The following ADGRV1 variants were observed in gnomAD, a reference collection of about 807,000 sequenced individuals.
The protein encoded by ADGRV1 is G-protein coupled receptor 98.
ADGRV1 carries 359 observed loss-of-function variants against 596.2 expected under a neutral mutation model. The observed-to-expected ratio is 0.60, with a 90% CI of 0.55 to 0.66. The LOEUF is 0.66. ADGRV1 is among the 30% of genes least tolerant of loss of function. The pLI, the probability that ADGRV1 is intolerant of heterozygous loss-of-function variation, is 0.00. For synonymous variants in ADGRV1, 2,681 were observed against 2,679.2 expected (o/e 1.00, Z -0.02); for missense variants, 7,274 against 7,575.6 (o/e 0.96, Z 1.48).
chr5:90,781,428 A>AG lies in ADGRV1; in HGVS notation c.13083-1dup. On this transcript the variant is annotated splice_acceptor_variant, in intron 64 of 89. Transcript: ENST00000405460. LOFTEE classifies it high-confidence loss of function. ...TTATTTTGATTTGTATGACTTTGGA[A>AG]GAGGGTATGATTTTACCATTCAAGA... 6.3e-7 allele frequency: 1 copy of AG among 1,593,286 alleles called. No individual in the cohort carries two copies. The highest frequency in any genetic ancestry group is 8.6e-7 in the Non-Finnish European group (1 of 1,165,694).
chr5:90,874,066 T>C (rs531515708), intron 83 of ADGRV1, among the ~76,000 whole-genome samples: 2 of 152,320 alleles, frequency 1.3e-5, no homozygotes, highest in East Asian at 3.9e-4. Flanking sequence ...TAAAACTTTT[T>C]GGTGTCTTCC....
chr5:90,560,265 C>T (rs1754643669), intron 1 of ADGRV1, among the ~76,000 whole-genome samples: 1 of 152,014 alleles, frequency 6.6e-6, no homozygotes, highest in Non-Finnish European at 1.5e-5. Flanking sequence ...GAAGAAGTAA[C>T]CAAGATACAC....
At chr5:90,907,878 T>A (rs1360296265) in intron 83 of ADGRV1, among the ~76,000 whole-genome samples, 1 of 152,046 alleles carries the variant, frequency 6.6e-6, no homozygotes, top group Non-Finnish European at 1.5e-5. Flanking sequence ...TGAAATAGAG[T>A]CTTACTGTGT....
intron 85 of ADGRV1, among the ~76,000 whole-genome samples, chr5:90,996,865 A>AT (rs1781463406): frequency 6.6e-6 from 1 of 152,198 alleles, no homozygotes; most frequent in South Asian, 2.1e-4. Context: ...GAGCTTTAAG[A>AT]TTTAATGACT....
At position 90,608,041 on chromosome 5, in the gene ADGRV1, A is replaced by G. The variant is rs561306107; in HGVS notation, c.23-6794A>G. ...TAACAGGATACTGTTAAATTCTTAG[A>G]AATTGAAAACGATAGCATAAATTTA... is the stretch of plus-strand genomic sequence containing the variant. On this transcript the variant is annotated intron_variant, in intron 1 of 89. Coordinates refer to ENST00000405460, the MANE Select transcript of ADGRV1 (RefSeq NM_032119.4). Among the ~76,000 whole-genome samples, 5 of 152,312 alleles carry G rather than the reference A, an allele frequency of 3.3e-5. No individual in the cohort carries two copies. In the South Asian group the frequency reaches 8.3e-4, roughly 25 times the overall value.
At chr5:91,031,903 G>T (rs1037761679) in intron 85 of ADGRV1, among the ~76,000 whole-genome samples, 21 of 152,074 alleles carry the variant, frequency 1.4e-4, no homozygotes, top group African/African-American at 4.1e-4. Flanking sequence ...ATTTTATGAG[G>T]CAGAGATAAG....
chr5:90,760,726 T>C (rs1169208024), intron 58 of ADGRV1, among the ~76,000 whole-genome samples: 5 of 152,214 alleles, frequency 3.3e-5, no homozygotes, highest in African/African-American at 4.8e-5. Context: ...GGCTGTTTAC[T>C]TCCAAGACTT....
intron 84 of ADGRV1, among the ~76,000 whole-genome samples, chr5:90,972,875 G>A (rs981668298): frequency 6.6e-6 from 1 of 150,656 alleles, no homozygotes; most frequent in African/African-American, 2.4e-5. Flanking sequence ...AGGAGATAGA[G>A]ACACAAAAAA....
Position 91,035,866 on chromosome 5 carries a change from T to TA in ADGRV1, c.18153-36580dup, listed in dbSNP as rs1338075668. Among the ~76,000 whole-genome samples the TA allele has an allele frequency of 1.8e-3, 232 of 126,216 alleles. 11 individuals carry two copies. Among genetic ancestry groups the TA allele is most frequent in the African/African-American group, 6.5e-3 (223 of 34,052 alleles). 82.8% of individuals were successfully genotyped at this position (126,216 alleles called of 152,430 possible). ...TGTGTATATATATATATATATTATA[T>TA]ATATATATATATATATCTTACAACA... On this transcript the variant is annotated intron_variant, in intron 85 of 89. Transcript: ENST00000405460.
chr5:90,834,475 G>A (rs1764790693), intron 77 of ADGRV1, among the ~76,000 whole-genome samples: 1 of 152,004 alleles, frequency 6.6e-6, no homozygotes, highest in African/African-American at 2.4e-5. Context: ...CTCCTGGCCT[G>A]TAAGGTTTCC....
chr5:91,159,627 T>G (rs907868130), intron 89 of ADGRV1, among the ~76,000 whole-genome samples: 1 of 152,192 alleles, frequency 6.6e-6, no homozygotes, highest in Admixed American at 6.5e-5. Flanking sequence ...TATTTGTTCT[T>G]GAAGTACATC....
In ADGRV1 at chr5:91,153,938, C is replaced by T. The variant is rs1336904288; in HGVS notation, c.18802+540C>T. Among the ~76,000 whole-genome samples, 5 of 152,202 alleles carry T rather than the reference C, an allele frequency of 3.3e-5. No individual in the cohort carries two copies. In the East Asian group the frequency reaches 9.6e-4, roughly 29 times the overall value. ...GAAAACAGTCCAAGAGGTCCCAACT[C>T]ATCAGCATATGATACTAGAAACATG... is the stretch of plus-strand genomic sequence containing the variant. On this transcript the variant is annotated intron_variant, in intron 89 of 89. Transcript: ENST00000405460.
intron 54 of ADGRV1, 23 bp downstream of exon 54, chr5:90,753,852 C>G: frequency 6.5e-7 from 1 of 1,543,840 alleles, no homozygotes; most frequent in Non-Finnish European, 8.8e-7. Context: ...AAATATCTTT[C>G]AAGTTTTAAT....
intron 89 of ADGRV1, among the ~76,000 whole-genome samples, chr5:91,161,692 C>T (rs1293291607): frequency 2.6e-5 from 4 of 151,988 alleles, no homozygotes; most frequent in Admixed American, 2.0e-4. Flanking sequence ...CTTATGTATA[C>T]ATTGTAGATA....
At chr5:90,866,487 G>A (rs1372567224) in intron 83 of ADGRV1, among the ~76,000 whole-genome samples, 1 of 151,882 alleles carries the variant, frequency 6.6e-6, no homozygotes, top group Non-Finnish European at 1.5e-5. Context: ...GGCAGTAGAA[G>A]ATTTATTTTT....
intron 45 of ADGRV1, among the ~76,000 whole-genome samples, chr5:90,724,616 A>G (rs1189676833): frequency 1.4e-4 from 22 of 152,232 alleles, no homozygotes; most frequent in Non-Finnish European, 1.5e-5. Context: ...GTTTTTAAAT[A>G]ATAATTTAAA....
At chr5:91,149,487 C>G (rs1451144186) in intron 87 of ADGRV1, among the ~76,000 whole-genome samples, 2 of 152,116 alleles carry the variant, frequency 1.3e-5, no homozygotes. Context: ...TTCTTGAGGC[C>G]TCCCCAGCCA....
intron 77 of ADGRV1, among the ~76,000 whole-genome samples, chr5:90,830,218 C>T (rs942845975): frequency 6.6e-5 from 10 of 152,146 alleles, no homozygotes; most frequent in Middle Eastern, 3.4e-3. Flanking sequence ...CTTATCTTTA[C>T]GACAGAGTCC....
intron 1 of ADGRV1, among the ~76,000 whole-genome samples, chr5:90,596,609 G>A (rs1036196227): frequency 3.9e-5 from 6 of 152,206 alleles, no homozygotes; most frequent in South Asian, 4.1e-4. Flanking sequence ...CCAACACAGC[G>A]AAACCCCGTC....
Sources: allele counts gnomAD v4.1 joint callset (sites outside exome capture counted in the v4.1 genomes callset), GRCh38; gene constraint gnomAD v4.1.1; transcripts MANE v1.5; gene names NCBI Gene and HGNC (gene_info 2026-07-23, HGNC 2026-07-21).